The following ATF2 variants were observed in gnomAD, a reference collection of about 807,000 sequenced individuals.
ATF2 encodes activating transcription factor 2.
ATF2 carries 24 observed loss-of-function variants against 60.6 expected under a neutral mutation model. That is an observed-to-expected ratio of 0.40 (90% CI 0.29 to 0.56). The LOEUF is 0.56. Among genes scored for constraint, ATF2 ranks in the 20% least tolerant of loss-of-function variants. The pLI, the probability that ATF2 is intolerant of heterozygous loss-of-function variation, is 0.54. For missense variants in ATF2, 433 were observed against 607.7 expected, an observed-to-expected ratio of 0.71 and a Z score of 3.02; for synonymous variants, 206 against 215.4, an observed-to-expected ratio of 0.96 and a Z score of 0.38.
In ATF2 at chr2:175,073,321, C is replaced by G. The variant is rs766568091; in HGVS notation, c.*1288G>C. 1 of 152,012 alleles carries G rather than the reference C, an allele frequency of 6.6e-6. No homozygotes were observed. Among genetic ancestry groups the G allele is most frequent in the Non-Finnish European group, 1.5e-5 (1 of 68,020 alleles). 9.4% of individuals were successfully genotyped at this position (152,012 alleles called of 1,614,324 possible). A position where few individuals can be genotyped will look rare whatever the true frequency, so the allele number is the denominator to read the frequency against. On this transcript the variant is annotated 3_prime_UTR_variant, in exon 14 of 14. Transcript: ENST00000264110. ...GTACCTACAATCATCTCATCAGAAA[C>G]AAGCTACATCATGGAATGTTAGTTA...
intron 7 of ATF2, among the ~76,000 whole-genome samples, chr2:175,115,688 T>C (rs1412260045): frequency 6.6e-6 from 1 of 152,192 alleles, no homozygotes; most frequent in Non-Finnish European, 1.5e-5. Context: ...TGTAACTTCA[T>C]TTATTCAGTA....
At chr2:175,115,677 T>A (rs559921074) in intron 7 of ATF2, among the ~76,000 whole-genome samples, 1 of 152,188 alleles carries the variant, frequency 6.6e-6, no homozygotes, top group Non-Finnish European at 1.5e-5. Flanking sequence ...AGTAGTAGTA[T>A]TGTAACTTCA....
At chr2:175,097,297 T>C (rs1694995209) in intron 11 of ATF2, 147 bp downstream of exon 11, 10 of 1,111,376 alleles carry the variant, frequency 9.0e-6, no homozygotes, top group Middle Eastern at 2.3e-4. Context: ...AATACTTGTA[T>C]ACTGAGCTAC....
intron 2 of ATF2, among the ~76,000 whole-genome samples, chr2:175,138,050 T>C (rs757532202): frequency 3.1e-4 from 47 of 152,174 alleles, no homozygotes; most frequent in Admixed American, 1.6e-3. Context: ...CTATAGATTG[T>C]TGGAGAAGTC....
Position 175,095,500 on chromosome 2 carries a change from A to G in ATF2, c.978+1944T>C, listed in dbSNP as rs142081975. On this transcript the variant is annotated intron_variant, in intron 11 of 13. Coordinates refer to ENST00000264110, the MANE Select transcript of ATF2 (RefSeq NM_001880.4). ...TAACTCATTATAGCAAAGACTAATC[A>G]TAAGTACTAGCAGAATAACAGAAGC... Among the ~76,000 whole-genome samples, 284 of 152,348 alleles carry G rather than the reference A, an allele frequency of 1.9e-3. 3 individuals carry two copies. Among genetic ancestry groups the G allele is most frequent in the African/African-American group, 6.4e-3 (267 of 41,582 alleles).
At chr2:175,098,183 G>A (rs1695068301) in intron 10 of ATF2, among the ~76,000 whole-genome samples, 1 of 152,206 alleles carries the variant, frequency 6.6e-6, no homozygotes. Context: ...CTGATATAAT[G>A]ATTTGCTACA....
intron 1 of ATF2, among the ~76,000 whole-genome samples, chr2:175,153,635 C>G (rs1699456446): frequency 6.6e-6 from 1 of 151,896 alleles, no homozygotes; most frequent in Non-Finnish European, 1.5e-5. Context: ...CGAGACCAGC[C>G]TGGCCAATAT....
At chr2:175,121,330 A>C in intron 5 of ATF2, 114 bp downstream of exon 5, 1 of 551,188 alleles carries the variant, frequency 1.8e-6, no homozygotes. Flanking sequence ...AACATTTACT[A>C]TAATGAAGTC....
In ATF2 at chr2:175,111,666, A is replaced by G. The variant is rs773339644; in HGVS notation, c.742-12T>C. On this transcript the variant is annotated splice_polypyrimidine_tract_variant and intron_variant, in intron 9 of 13. Transcript: ENST00000264110. ...ACTGGTCGAACGAGCTATGCATGAC[A>G]TAAGGAAAAATAATTGCTAGAGAAT... 1 of 1,600,922 alleles carries G rather than the reference A, an allele frequency of 6.2e-7. No homozygotes were observed. Among genetic ancestry groups the G allele is most frequent in the Admixed American group, 1.7e-5 (1 of 59,182 alleles).
chr2:175,149,281 G>A (rs990947856), intron 2 of ATF2, among the ~76,000 whole-genome samples: 1 of 152,172 alleles, frequency 6.6e-6, no homozygotes, highest in Non-Finnish European at 1.5e-5. Context: ...TGTTAAAGGT[G>A]GGGGCGGGGA....
At chr2:175,162,495 G>A (rs1484229578) in intron 1 of ATF2, among the ~76,000 whole-genome samples, 1 of 152,162 alleles carries the variant, frequency 6.6e-6, no homozygotes, top group Non-Finnish European at 1.5e-5. Flanking sequence ...TAATTCATTT[G>A]AGATTAGTAT....
intron 13 of ATF2, among the ~76,000 whole-genome samples, chr2:175,077,527 G>A (rs1402501045): frequency 1.3e-5 from 2 of 152,154 alleles, no homozygotes; most frequent in African/African-American, 2.4e-5. Context: ...ACAACAGGCT[G>A]ACGTTTCCCT....
intron 10 of ATF2, among the ~76,000 whole-genome samples, chr2:175,097,976 T>C (rs1695049538): frequency 6.6e-6 from 1 of 152,214 alleles, no homozygotes; most frequent in African/African-American, 2.4e-5. Flanking sequence ...TGGACTCACA[T>C]TCAGAGCATG....
intron 13 of ATF2, among the ~76,000 whole-genome samples, chr2:175,077,804 G>A (rs984703133): frequency 6.6e-6 from 1 of 152,082 alleles, no homozygotes; most frequent in African/African-American, 2.4e-5. Flanking sequence ...TTGCACCTAT[G>A]TCCAGTTCTA....
intron 4 of ATF2, among the ~76,000 whole-genome samples, chr2:175,129,856 A>T (rs1257196585): frequency 1.3e-5 from 2 of 152,032 alleles, no homozygotes; most frequent in African/African-American, 4.8e-5. Context: ...ATAACAGTCA[A>T]ATTATACTTT....
rs144555631 is a variant in ATF2 at position 175,111,840 on chromosome 2, C to T, written c.742-186G>A. Reference sequence around the variant, plus strand: ...TCCTGACTTATCCTTCAAAAGTTGTCAATTTCTGAGACGTGTGCTTTCCTA... The same window carrying T: ...TCCTGACTTATCCTTCAAAAGTTGTTAATTTCTGAGACGTGTGCTTTCCTA... On this transcript the variant is annotated intron_variant, in intron 9 of 13. Transcript: ENST00000264110. 6.9e-3 allele frequency among the ~76,000 whole-genome samples: 999 copies of T among 144,180 alleles called. 10 individuals are homozygous for T. Among genetic ancestry groups the T allele is most frequent in the African/African-American group, 0.026 (942 of 36,286 alleles). 94.6% of individuals were successfully genotyped at this position (144,180 alleles called of 152,430 possible). A position where few individuals can be genotyped will look rare whatever the true frequency, so the allele number is the denominator to read the frequency against.
At chr2:175,117,752 A>G (rs908224717) in intron 7 of ATF2, among the ~76,000 whole-genome samples, 1 of 151,960 alleles carries the variant, frequency 6.6e-6, no homozygotes, top group Non-Finnish European at 1.5e-5. Flanking sequence ...ATAAATTTAT[A>G]TATCTTTTAA....
intron 12 of ATF2, among the ~76,000 whole-genome samples, chr2:175,091,715 TA>T (rs1694559742): frequency 6.6e-6 from 1 of 151,970 alleles, no homozygotes; most frequent in Non-Finnish European, 1.5e-5. Flanking sequence ...ATACAAAAAT[TA>T]GCCGGGTGTG....
intron 7 of ATF2, among the ~76,000 whole-genome samples, chr2:175,115,285 T>C (rs1268023202): frequency 1.3e-5 from 2 of 152,184 alleles, no homozygotes; most frequent in Non-Finnish European, 2.9e-5. Context: ...CCAGTGAGAC[T>C]GTGTTATGGC....
Sources: gnomAD v4.1 joint callset for allele counts (sites outside exome capture counted in the v4.1 genomes callset) on GRCh38, gnomAD v4.1.1 for gene constraint, MANE v1.5 for transcripts, NCBI Gene and HGNC (gene_info 2026-07-23, HGNC 2026-07-21) for gene names.